The following MTA3 variants were observed in gnomAD, a reference collection of about 807,000 sequenced individuals.
MTA3 encodes the protein metastasis associated 1 family member 3, also known as metastasis-associated protein MTA3.
In MTA3, 34 loss-of-function variants were observed where a neutral mutation model predicts 83.5. The observed-to-expected ratio is 0.41, with a 90% confidence interval of 0.31 to 0.54. The LOEUF (loss-of-function observed/expected upper bound fraction) is 0.54, where lower values mean the gene tolerates loss of function less well. Ranked by LOEUF, MTA3 falls within the 20% of genes least tolerant of loss-of-function variation. The probability of loss-of-function intolerance (pLI) is 0.33; values close to 1 mark genes in which losing one functional copy is unlikely to be tolerated. For synonymous variants in MTA3, 303 were observed against 252.7 expected, an observed-to-expected ratio of 1.20 and a Z score of -1.89; for missense variants, 761 against 726.4, an observed-to-expected ratio of 1.05 and a Z score of -0.55.
chr2:42,507,123 G>A (rs886456570), intron 2 of MTA3, among the ~76,000 whole-genome samples: 4 of 152,036 alleles, frequency 2.6e-5, no homozygotes, highest in Non-Finnish European at 5.9e-5. Context: ...TTGGTTCCCA[G>A]CTCCTGGGCT....
In MTA3 at chr2:42,753,638, G is replaced by A; in HGVS notation, c.*239G>A. 7.5e-7 allele frequency: 1 copy of A among 1,335,016 alleles called. No individual in the cohort carries two copies. Among genetic ancestry groups the A allele is most frequent in the Non-Finnish European group, 9.6e-7 (1 of 1,039,100 alleles). The allele number at this position is 1,335,016 out of a possible 1,614,324, so 82.7% of individuals were successfully genotyped here. A position where few individuals can be genotyped will look rare whatever the true frequency, so the allele number is the denominator to read the frequency against. On this transcript the variant is annotated 3_prime_UTR_variant, in exon 17 of 17. Transcript: ENST00000405094. The stretch of plus-strand genomic sequence containing the variant: ...TCTTGTCAGAGACCTCGCTGTTACG[G>A]AGCGAGACCTGCTGAGAATTGAGGG...
chr2:42,648,038 G>A (rs1227073553), intron 6 of MTA3, among the ~76,000 whole-genome samples: 12 of 152,138 alleles, frequency 7.9e-5, no homozygotes, highest in Non-Finnish European at 1.5e-4. Context: ...ACAGGGTTTC[G>A]CCGTGTTGGC....
intron 4 of MTA3, among the ~76,000 whole-genome samples, chr2:42,634,026 C>T (rs533693662): frequency 1.3e-5 from 2 of 152,198 alleles, no homozygotes; most frequent in Admixed American, 6.5e-5. Context: ...ATCCCAGGGA[C>T]CTTTGACAAT....
At chr2:42,592,927 G>A (rs1452577453) in intron 3 of MTA3, among the ~76,000 whole-genome samples, 1 of 152,060 alleles carries the variant, frequency 6.6e-6, no homozygotes, top group Non-Finnish European at 1.5e-5. Flanking sequence ...GAGGTGGGGG[G>A]ATCAGTTGAG....
chr2:42,522,415 A>G (rs1208026631), intron 2 of MTA3, among the ~76,000 whole-genome samples: 1 of 152,114 alleles, frequency 6.6e-6, no homozygotes, highest in Non-Finnish European at 1.5e-5. Context: ...ACCCACTTTC[A>G]GGAAGGAATA....
intron 9 of MTA3, among the ~76,000 whole-genome samples, chr2:42,683,290 T>C (rs1345196789): frequency 6.6e-6 from 1 of 152,204 alleles, no homozygotes; most frequent in African/African-American, 2.4e-5. Flanking sequence ...TCTTACTAAT[T>C]GTTGAGCCTG....
At chr2:42,701,165 G>A (rs1245290817) in intron 11 of MTA3, among the ~76,000 whole-genome samples, 7 of 151,808 alleles carry the variant, frequency 4.6e-5, no homozygotes, top group Admixed American at 4.6e-4. Flanking sequence ...AACCAGGCAT[G>A]GTGGCGTGTG....
In MTA3 at chr2:42,754,649, C is replaced by G; in HGVS notation, c.*1250C>G. Reference sequence around the variant, plus strand: ...TGTTTGCAGGCACAGGGTCACAGTCCCAAGAAAGACAACTGGAGTCTGATC... The same window carrying G: ...TGTTTGCAGGCACAGGGTCACAGTCGCAAGAAAGACAACTGGAGTCTGATC... On this transcript the variant is annotated 3_prime_UTR_variant, in exon 17 of 17. Coordinates refer to ENST00000405094, the MANE Select transcript of MTA3 (RefSeq NM_001330442.2). 3 of 985,448 alleles carry G rather than the reference C, an allele frequency of 3.0e-6. No individual in the cohort carries two copies. In the South Asian group the frequency reaches 1.4e-4, roughly 46 times the overall value. 61.0% of individuals were successfully genotyped at this position (985,448 alleles called of 1,614,324 possible). A position where few individuals can be genotyped will look rare whatever the true frequency, so the allele number is the denominator to read the frequency against.
chr2:42,680,946 T>G (rs1691839190), intron 8 of MTA3, among the ~76,000 whole-genome samples: 1 of 152,180 alleles, frequency 6.6e-6, no homozygotes, highest in African/African-American at 2.4e-5. Flanking sequence ...TTCACTGTGT[T>G]GGCCCAGGCT....
chr2:42,736,811 A>G (rs890238909), intron 16 of MTA3, among the ~76,000 whole-genome samples: 5 of 152,168 alleles, frequency 3.3e-5, no homozygotes, highest in Non-Finnish European at 7.4e-5. Context: ...CTGATTATTC[A>G]GGGCCCAAGG....
In MTA3 at chr2:42,615,711, CTTTTTTTTTTTTTT is replaced by C. The variant is rs35331224; in HGVS notation, c.317+6141_317+6154del. On this transcript the variant is annotated intron_variant, in intron 4 of 16. Coordinates refer to ENST00000405094, the MANE Select transcript of MTA3 (RefSeq NM_001330442.2). Reference sequence around the variant, plus strand: ...ACCACAGATACTTGAATAATCTCTTCTTTTTTTTTTTTTTTTTTTTTTTTTTTGAGACGGAGTCT... The same window carrying C: ...ACCACAGATACTTGAATAATCTCTTCTTTTTTTTTTTTTGAGACGGAGTCT... Among the ~76,000 whole-genome samples the C allele has an allele frequency of 1.6e-3, 96 of 59,810 alleles. 2 individuals carry two copies. The highest frequency in any genetic ancestry group is 6.2e-3 in the African/African-American group (91 of 14,660). 39.2% of individuals were successfully genotyped at this position (59,810 alleles called of 152,430 possible).
chr2:42,624,100 G>C (rs550720235), intron 4 of MTA3, among the ~76,000 whole-genome samples: 1 of 152,244 alleles, frequency 6.6e-6, no homozygotes, highest in South Asian at 2.1e-4. Flanking sequence ...CTAACGAGAA[G>C]TGTATAGTTT....
At chr2:42,703,078 G>A (rs1383279827) in intron 11 of MTA3, 1 of 152,176 alleles carries the variant, frequency 6.6e-6, no homozygotes, top group African/African-American at 2.4e-5. Context: ...TCCCACCCTA[G>A]CCTTCTGAGT....
chr2:42,685,237 G>A (rs1454987579), intron 9 of MTA3, among the ~76,000 whole-genome samples: 1 of 152,136 alleles, frequency 6.6e-6, no homozygotes, highest in South Asian at 2.1e-4. Flanking sequence ...TGATTTTTTT[G>A]TTGTCTTTGT....
intron 8 of MTA3, chr2:42,680,374 CTT>C (rs1167406393): frequency 6.6e-6 from 1 of 152,214 alleles, no homozygotes; most frequent in Non-Finnish European, 1.5e-5. Context: ...AGATGCACGA[CTT>C]AAGCCAAAAG....
At chr2:42,515,763 A>G (rs933871787) in intron 2 of MTA3, among the ~76,000 whole-genome samples, 1 of 151,888 alleles carries the variant, frequency 6.6e-6, no homozygotes, top group Non-Finnish European at 1.5e-5. Flanking sequence ...GGCCTCCCAA[A>G]GTGCTGGATT....
At position 42,753,523 on chromosome 2, in the gene MTA3, C is replaced by T. The variant is rs1573863915; in HGVS notation, c.*124C>T. ...TTCAGTGGGAGACCTCTGCGTGCAT[C>T]CATGGAGACGCAATGGGGCGGGGAA... On this transcript the variant is annotated 3_prime_UTR_variant, in exon 17 of 17. Coordinates refer to ENST00000405094, the MANE Select transcript of MTA3 (RefSeq NM_001330442.2). 6.0e-6 allele frequency: 9 copies of T among 1,508,316 alleles called. No homozygotes were observed. In the East Asian group the frequency reaches 2.3e-4, roughly 38 times the overall value. The allele number at this position is 1,508,316 out of a possible 1,614,324, so 93.4% of individuals were successfully genotyped here.
intron 14 of MTA3, 41 bp downstream of exon 14, chr2:42,709,137 C>G (rs1319379327): frequency 1.3e-6 from 2 of 1,531,552 alleles, no homozygotes; most frequent in East Asian, 4.9e-5. Context: ...TGTTGTGCTT[C>G]TGACCATTTT....
At chr2:42,592,023 G>C (rs555810822) in intron 3 of MTA3, among the ~76,000 whole-genome samples, 172 of 152,286 alleles carry the variant, frequency 1.1e-3, no homozygotes, top group Admixed American at 3.7e-3. Context: ...CAGCACTTTG[G>C]GGGGCTGAGG....
Sources: gnomAD v4.1 joint callset for allele counts (sites outside exome capture counted in the v4.1 genomes callset) on GRCh38, gnomAD v4.1.1 for gene constraint, MANE v1.5 for transcripts, NCBI Gene and HGNC (gene_info 2026-07-23, HGNC 2026-07-21) for gene names.